PRKCE: variants seen among roughly 807,000 people sequenced by gnomAD.
PRKCE encodes protein kinase C epsilon, also known as protein kinase C epsilon type.
PRKCE carries 16 observed loss-of-function variants against 85.4 expected under a neutral mutation model. That is an observed-to-expected ratio of 0.19 (90% CI 0.13 to 0.28). The LOEUF (loss-of-function observed/expected upper bound fraction) is 0.28. PRKCE is among the 10% of genes least tolerant of loss of function. The pLI is 1.00. For synonymous variants in PRKCE, 388 were observed against 371.5 expected (o/e 1.04, Z -0.51); for missense variants, 573 against 975.2 (o/e 0.59, Z 5.49).
At chr2:46,021,895 C>T (rs772467394) in intron 10 of PRKCE, among the ~76,000 whole-genome samples, 1 of 152,126 alleles carries the variant, frequency 6.6e-6, no homozygotes, top group African/African-American at 2.4e-5. Context: ...GTGGTGTTTT[C>T]TACAGGGAAA....
At chr2:46,074,686 C>T (rs879841317) in intron 10 of PRKCE, among the ~76,000 whole-genome samples, 1 of 152,156 alleles carries the variant, frequency 6.6e-6, no homozygotes, top group Non-Finnish European at 1.5e-5. Context: ...GTGGCAGCCA[C>T]GAGGGCTGCG....
At chr2:45,692,182 A>T (rs1677782005) in intron 1 of PRKCE, among the ~76,000 whole-genome samples, 1 of 152,156 alleles carries the variant, frequency 6.6e-6, no homozygotes, top group Admixed American at 6.5e-5. Flanking sequence ...CACCTGTCTT[A>T]GTTTCCCAGG....
Position 45,786,718 on chromosome 2 carries a change from GT to G in PRKCE, c.349-56281del, listed in dbSNP as rs1294033044. Among the ~76,000 whole-genome samples the G allele has an allele frequency of 6.6e-6, 1 of 152,198 alleles. No individual in the cohort carries two copies. The highest frequency in any genetic ancestry group is 1.5e-5 in the Non-Finnish European group (1 of 68,038). On this transcript the variant is annotated intron_variant, in intron 1 of 14. Coordinates refer to ENST00000306156, the MANE Select transcript of PRKCE (RefSeq NM_005400.3). This position sits in a 1 kb window ranked among gnomAD's most constrained non-coding sequence, Gnocchi z 5.3. ...GCAAACCTTACTGGGGGTTCACCCT[GT>G]GCCAAGCAGGCTCTGAGTGCTGTGT...
chr2:46,103,638 A>G (rs1671444344), intron 11 of PRKCE, among the ~76,000 whole-genome samples: 1 of 152,194 alleles, frequency 6.6e-6, no homozygotes, highest in Non-Finnish European at 1.5e-5. Context: ...CTGATGCCCT[A>G]CTGTTGCCCA....
intron 6 of PRKCE, among the ~76,000 whole-genome samples, chr2:45,990,616 C>A (rs900642131): frequency 6.6e-6 from 1 of 151,948 alleles, no homozygotes; most frequent in Non-Finnish European, 1.5e-5. Context: ...GCTTTTTTTT[C>A]TAACATAGCA....
intron 10 of PRKCE, among the ~76,000 whole-genome samples, chr2:46,018,099 C>T (rs1233070108): frequency 1.3e-5 from 2 of 152,132 alleles, no homozygotes; most frequent in Non-Finnish European, 2.9e-5. Context: ...CTTAAGCTGG[C>T]AAGAGGAGCA....
Position 45,907,912 on chromosome 2 carries a change from A to G in PRKCE, c.412+64849A>G, listed in dbSNP as rs1037174815. ...TGTTAAACAAAACGCCTTGTCCAGAATGATCTCCCATGCCCCTCCCAGTTT... is the reference window on the plus strand; with the variant it reads ...TGTTAAACAAAACGCCTTGTCCAGAGTGATCTCCCATGCCCCTCCCAGTTT... On this transcript the variant is annotated intron_variant, in intron 2 of 14. Coordinates refer to ENST00000306156, the MANE Select transcript of PRKCE (RefSeq NM_005400.3). The surrounding 1 kb of genome is among the most constrained non-coding windows in gnomAD (Gnocchi z 4.5). Among the ~76,000 whole-genome samples, 5 of 152,194 alleles carry G rather than the reference A, an allele frequency of 3.3e-5. No homozygotes were observed. The highest frequency in any genetic ancestry group is 2.1e-4 in the South Asian group (1 of 4,828).
chr2:46,158,830 G>A (rs547253274), intron 13 of PRKCE, among the ~76,000 whole-genome samples: 4 of 151,960 alleles, frequency 2.6e-5, no homozygotes, highest in South Asian at 2.1e-4. Context: ...ATTGGTATAC[G>A]TATGCTCAAT....
intron 1 of PRKCE, among the ~76,000 whole-genome samples, chr2:45,704,524 C>A (rs1004015202): frequency 6.6e-6 from 1 of 152,122 alleles, no homozygotes; most frequent in African/African-American, 2.4e-5. Context: ...TTCCTTAGCC[C>A]AGTGTTAAAG....
chr2:45,702,923 G>A (rs1017681007), intron 1 of PRKCE, among the ~76,000 whole-genome samples: 1 of 152,102 alleles, frequency 6.6e-6, no homozygotes, highest in African/African-American at 2.4e-5. Context: ...AAGACTTCTG[G>A]GCTTAGTGTT....
chr2:45,688,652 A>G (rs1223961218), intron 1 of PRKCE, among the ~76,000 whole-genome samples: 1 of 152,216 alleles, frequency 6.6e-6, no homozygotes, highest in Non-Finnish European at 1.5e-5. Context: ...GGTTTCTTGA[A>G]AGAGACCAAG....
rs145392865 is a variant in PRKCE at position 46,048,536 on chromosome 2, G to T, written c.1438-37672G>T. ...AGATGACTTTCTAAGCAAGGTGCTCGGGTCTTGTCACCGAGGGGTGGACGT... is the reference window on the plus strand; with the variant it reads ...AGATGACTTTCTAAGCAAGGTGCTCTGGTCTTGTCACCGAGGGGTGGACGT... On this transcript the variant is annotated intron_variant, in intron 10 of 14. Coordinates refer to ENST00000306156, the MANE Select transcript of PRKCE (RefSeq NM_005400.3). Among the ~76,000 whole-genome samples, 381 of 152,280 alleles carry T rather than the reference G, an allele frequency of 2.5e-3. 6 individuals carry two copies. Among genetic ancestry groups the T allele is most frequent in the South Asian group, 0.023 (112 of 4,824 alleles).
chr2:45,890,377 T>C (rs1454213716), intron 2 of PRKCE, among the ~76,000 whole-genome samples: 2 of 152,028 alleles, frequency 1.3e-5, no homozygotes, highest in Admixed American at 1.3e-4. Context: ...CTCAGTATCT[T>C]TTCAAAACTT....
Position 45,895,941 on chromosome 2 carries a change from C to T in PRKCE, c.412+52878C>T, listed in dbSNP as rs1406419617. On this transcript the variant is annotated intron_variant, in intron 2 of 14. Transcript: ENST00000306156. The surrounding 1 kb of genome is among the most constrained non-coding windows in gnomAD (Gnocchi z 4.8). ...GAAGTTCACCGTGTGACACTGTCCA[C>T]GAGGAAGGCCTCAGATGAAGGAGGG... Among the ~76,000 whole-genome samples the T allele has an allele frequency of 2.6e-5, 4 of 152,094 alleles. No homozygotes were observed. The highest frequency in any genetic ancestry group is 4.4e-5 in the Non-Finnish European group (3 of 68,026).
chr2:45,966,333 GCT>G (rs964260781), intron 2 of PRKCE, among the ~76,000 whole-genome samples: 1 of 152,142 alleles, frequency 6.6e-6, no homozygotes, highest in African/African-American at 2.4e-5. Context: ...CGTGTGTGAT[GCT>G]CTGTCACACA....
At chr2:46,006,947 G>A (rs1574203099) in intron 8 of PRKCE, among the ~76,000 whole-genome samples, 1 of 152,176 alleles carries the variant, frequency 6.6e-6, no homozygotes, top group Non-Finnish European at 1.5e-5. Context: ...GCTGAGTAAA[G>A]GTTTTTAGAA....
chr2:45,785,261 C>T lies in PRKCE; in HGVS notation c.349-57739C>T, dbSNP rs527519474. ...ATTCCAGCACTTTGGGAGGCTGAGGCGGGCAGATCACTTGAGGTCAGGAGT... is the reference window on the plus strand; with the variant it reads ...ATTCCAGCACTTTGGGAGGCTGAGGTGGGCAGATCACTTGAGGTCAGGAGT... On this transcript the variant is annotated intron_variant, in intron 1 of 14. Coordinates refer to ENST00000306156, the MANE Select transcript of PRKCE (RefSeq NM_005400.3). Among the ~76,000 whole-genome samples the T allele has an allele frequency of 1.4e-4, 22 of 152,240 alleles. 1 individual carries two copies. In the South Asian group the frequency reaches 4.4e-3, roughly 30 times the overall value.
chr2:46,037,226 C>G (rs1707921937), intron 10 of PRKCE, among the ~76,000 whole-genome samples: 1 of 152,206 alleles, frequency 6.6e-6, no homozygotes, highest in Admixed American at 6.5e-5. Flanking sequence ...CACTGGAATC[C>G]CACAGACTGG....
intron 11 of PRKCE, 128 bp downstream of exon 11, chr2:46,086,490 A>G (rs2103907634): frequency 4.3e-6 from 5 of 1,168,346 alleles, no homozygotes; most frequent in South Asian, 3.3e-5. Flanking sequence ...GTTTGTTCCA[A>G]TTTGCTTACA....
Sources: gnomAD v4.1 joint callset for allele counts (sites outside exome capture counted in the v4.1 genomes callset) on GRCh38, gnomAD v4.1.1 for gene constraint, Gnocchi (gnomAD v3.1) non-coding constraint, MANE v1.5 for transcripts, NCBI Gene and HGNC (gene_info 2026-07-23, HGNC 2026-07-21) for gene names.